The following APOLD1 variants were observed in gnomAD, a reference collection of about 807,000 sequenced individuals.
APOLD1 encodes apolipoprotein L domain containing 1.
Under a neutral mutation model 15.3 loss-of-function variants are expected in APOLD1, and 22 were observed. The ratio of observed to expected loss-of-function variants is 1.44; its 90% CI spans 1.03 to 2.05. The LOEUF (loss-of-function observed/expected upper bound fraction) is 2.05, where lower values mean the gene tolerates loss of function less well. APOLD1 is among the 30% of genes most tolerant of loss of function. APOLD1 has a pLI of 0.00. For synonymous variants in APOLD1, 190 were observed against 167.4 expected (o/e 1.13, Z -1.04); for missense variants, 394 against 353.5 (o/e 1.11, Z -0.92).
chr12:12,787,589 C>G lies in APOLD1; in HGVS notation c.684C>G (p.Thr228=), dbSNP rs577850711. 1 of 1,612,172 alleles carries G rather than the reference C, an allele frequency of 6.2e-7. No individual in the cohort carries two copies. Among genetic ancestry groups the G allele is most frequent in the Non-Finnish European group, 8.5e-7 (1 of 1,180,018 alleles). Residue 228 remains threonine, a synonymous_variant, in exon 2 of 2, where the codon ACC becomes ACG. Coordinates refer to ENST00000356591, the MANE Select transcript of APOLD1 (RefSeq NM_030817.3). The surrounding 1 kb of genome is among the most constrained non-coding windows in gnomAD (Gnocchi z 4.9). Reference sequence around the variant, plus strand: ...TGGAGTCTCGGGTTCAGCTCTGCACCAAGTCCAGTCGTGGCCACGACCTCA... The same window carrying G: ...TGGAGTCTCGGGTTCAGCTCTGCACGAAGTCCAGTCGTGGCCACGACCTCA... ...EQLESRVQLC[T]KSSRGHDLKI... is the part of the protein sequence containing the mutation.
intron 1 of APOLD1, among the ~76,000 whole-genome samples, chr12:12,737,276 G>T (rs1946695320): frequency 6.6e-6 from 1 of 151,860 alleles, no homozygotes; most frequent in Non-Finnish European, 1.5e-5. Flanking sequence ...TGGCTACAGT[G>T]GGGTAACAAC....
At chr12:12,772,375 G>C (rs1946995248) in intron 1 of APOLD1, among the ~76,000 whole-genome samples, 1 of 152,226 alleles carries the variant, frequency 6.6e-6, no homozygotes, top group Admixed American at 6.5e-5. Flanking sequence ...AGCAAGGAAA[G>C]TGGGAAGAAA....
chr12:12,729,427 T>C (rs914497278), intron 1 of APOLD1, among the ~76,000 whole-genome samples: 2 of 152,082 alleles, frequency 1.3e-5, no homozygotes, highest in Non-Finnish European at 2.9e-5. Context: ...AGATGTAATT[T>C]TTTTTTCTTT....
rs915500069 is a variant in APOLD1, at chr12:12,778,090, AT to A, written c.97-8811del. The stretch of plus-strand genomic sequence containing the variant: ...CAGGGGTGCACAACCACACCTGGCT[AT>A]TTTTTTTATTTTTTATTTTTTTGTG... On this transcript the variant is annotated intron_variant, in intron 1 of 1. Coordinates refer to the APOLD1 transcript ENST00000326765. 2.7e-5 allele frequency among the ~76,000 whole-genome samples: 4 copies of A among 150,574 alleles called. No individual in the cohort carries two copies. The South Asian group carries it at 6.3e-4, about 24-fold the overall frequency.
rs1947171010 is a variant in APOLD1 at position 12,790,043 on chromosome 12, C to T, written c.*2391C>T. On this transcript the variant is annotated 3_prime_UTR_variant, in exon 2 of 2. Transcript: ENST00000356591. ...TTTGAGACAGAGTCTCACTCTGTCACCTAGGCTGGAGTTGCAGTGGTTTGA... is the reference window on the plus strand; with the variant it reads ...TTTGAGACAGAGTCTCACTCTGTCATCTAGGCTGGAGTTGCAGTGGTTTGA... 6.7e-6 allele frequency: 1 copy of T among 148,902 alleles called. No homozygotes were observed. The highest frequency in any genetic ancestry group is 2.5e-5 in the African/African-American group (1 of 40,222). 9.2% of individuals were successfully genotyped at this position (148,902 alleles called of 1,614,324 possible).
chr12:12,755,484 A>G (rs1260411189), intron 1 of APOLD1, among the ~76,000 whole-genome samples: 1 of 152,232 alleles, frequency 6.6e-6, no homozygotes, highest in African/African-American at 2.4e-5. Context: ...ACAATCTGAA[A>G]GAAGATATTG....
At chr12:12,740,314 A>G (rs542689242) in intron 1 of APOLD1, among the ~76,000 whole-genome samples, 98 of 152,142 alleles carry the variant, frequency 6.4e-4, no homozygotes, top group Middle Eastern at 6.8e-3. Context: ...ACGGGGTTTC[A>G]CCATATTGGC....
At chr12:12,733,986 C>T (rs1026661314) in intron 1 of APOLD1, among the ~76,000 whole-genome samples, 6 of 152,184 alleles carry the variant, frequency 3.9e-5, no homozygotes, top group African/African-American at 1.4e-4. Context: ...CGGTCTCATT[C>T]TTTTCGGACA....
At chr12:12,765,135 A>T (rs1395483576) in intron 1 of APOLD1, among the ~76,000 whole-genome samples, 1 of 152,170 alleles carries the variant, frequency 6.6e-6, no homozygotes, top group Non-Finnish European at 1.5e-5. Flanking sequence ...AGAGGCAAAG[A>T]CCAGCATCTG....
At chr12:12,742,695 C>T (rs942278490) in intron 1 of APOLD1, among the ~76,000 whole-genome samples, 1 of 149,238 alleles carries the variant, frequency 6.7e-6, no homozygotes, top group Admixed American at 6.7e-5. Context: ...ACCTGGGAGG[C>T]GGAGGTTCCA....
At chr12:12,758,764 A>C (rs955504773) in intron 1 of APOLD1, among the ~76,000 whole-genome samples, 1 of 152,176 alleles carries the variant, frequency 6.6e-6, no homozygotes. Flanking sequence ...CCTTCTTCAC[A>C]GTGTCACCGA....
intron 1 of APOLD1, among the ~76,000 whole-genome samples, chr12:12,754,188 G>A (rs1388729490): frequency 3.8e-5 from 1 of 26,472 alleles, no homozygotes; most frequent in Non-Finnish European, 1.0e-4. Flanking sequence ...GGGCGACAGA[G>A]TGAGACTCTG....
At chr12:12,759,748 T>C (rs1281998472) in intron 1 of APOLD1, among the ~76,000 whole-genome samples, 13 of 152,216 alleles carry the variant, frequency 8.5e-5, no homozygotes. Context: ...GACTAGTTTA[T>C]AAATGGGCAT....
intron 1 of APOLD1, among the ~76,000 whole-genome samples, chr12:12,775,792 G>A (rs910744848): frequency 6.6e-6 from 1 of 152,018 alleles, no homozygotes; most frequent in African/African-American, 2.4e-5. Flanking sequence ...TTGAGACCAG[G>A]AGTTCATGAC....
At chr12:12,740,427 A>C (rs191106589) in intron 1 of APOLD1, among the ~76,000 whole-genome samples, 1 of 152,116 alleles carries the variant, frequency 6.6e-6, no homozygotes, top group East Asian at 1.9e-4. Context: ...CTCAGATCTT[A>C]TTTTCTATGG....
At chr12:12,763,783 A>G (rs1219658796) in intron 1 of APOLD1, among the ~76,000 whole-genome samples, 1 of 152,046 alleles carries the variant, frequency 6.6e-6, no homozygotes, top group East Asian at 1.9e-4. Flanking sequence ...TCATCTCTAG[A>G]TTACCTATAA....
chr12:12,754,224 A>AAG (rs1946838379), intron 1 of APOLD1, among the ~76,000 whole-genome samples: 1 of 150,452 alleles, frequency 6.6e-6, no homozygotes, highest in Non-Finnish European at 1.5e-5. Flanking sequence ...GAAAAAGAAA[A>AAG]AAAGAAAAAA....
At chr12:12,738,150 A>G (rs896713019) in intron 1 of APOLD1, among the ~76,000 whole-genome samples, 12 of 144,956 alleles carry the variant, frequency 8.3e-5, no homozygotes, top group African/African-American at 3.1e-4. Context: ...ATATGCTGCC[A>G]CTCCTACACA....
intron 1 of APOLD1, among the ~76,000 whole-genome samples, chr12:12,770,600 A>G (rs1946980070): frequency 6.6e-6 from 1 of 151,062 alleles, no homozygotes; most frequent in African/African-American, 2.4e-5. Flanking sequence ...AGAAAAGAAT[A>G]TCCAGGAACT....
Sources: allele counts gnomAD v4.1 joint callset (sites outside exome capture counted in the v4.1 genomes callset), GRCh38; gene constraint gnomAD v4.1.1; non-coding constraint Gnocchi (gnomAD v3.1); transcripts MANE v1.5; gene names NCBI Gene and HGNC (gene_info 2026-07-23, HGNC 2026-07-21).